B3GALT1: variants seen among roughly 807,000 people sequenced by gnomAD.
B3GALT1 encodes UDP-Gal:betaGlcNAc beta 1,3-galactosyltransferase, polypeptide 1.
Under a neutral mutation model 23.2 loss-of-function variants are expected in B3GALT1, and 10 were observed. The ratio of observed to expected loss-of-function variants is 0.43; its 90% CI spans 0.27 to 0.73. The LOEUF is 0.73. Ranked by LOEUF, B3GALT1 falls within the 30% of genes least tolerant of loss-of-function variation. The pLI is 0.21. For synonymous variants in B3GALT1, 156 were observed against 141.5 expected (o/e 1.10, Z -0.73); for missense variants, 299 against 405.4 (o/e 0.74, Z 2.25).
At chr2:167,686,825 C>T (rs981664517) in intron 3 of B3GALT1, among the ~76,000 whole-genome samples, 8 of 152,160 alleles carry the variant, frequency 5.3e-5, no homozygotes, top group Admixed American at 4.6e-4. Context: ...CTATTCTTCA[C>T]GTAGAGCCAC....
intron 3 of B3GALT1, among the ~76,000 whole-genome samples, chr2:167,779,042 A>G (rs17644183): frequency 0.5 from 75,412 of 152,162 alleles, 19,688 homozygotes; most frequent in African/African-American, 0.65. Context: ...TGACCACAGA[A>G]TTGGAAGGAG....
chr2:167,715,709 T>C, intron 3 of B3GALT1: 1 of 1,613,292 alleles, frequency 6.2e-7, no homozygotes, highest in Non-Finnish European at 8.5e-7. Flanking sequence ...TGCTGCCGCC[T>C]TCTCAAAGCT....
At chr2:167,837,878 CA>C (rs1279700396) in intron 4 of B3GALT1, among the ~76,000 whole-genome samples, 3 of 152,202 alleles carry the variant, frequency 2.0e-5, no homozygotes, top group Admixed American at 6.5e-5. Flanking sequence ...GAAACTCACT[CA>C]AAACCGCTCA....
At chr2:167,826,172 A>C (rs1442759424) in intron 4 of B3GALT1, among the ~76,000 whole-genome samples, 1 of 152,078 alleles carries the variant, frequency 6.6e-6, no homozygotes, top group Non-Finnish European at 1.5e-5. Context: ...GGGTGAGCCT[A>C]GGTCACACGG....
intron 2 of B3GALT1, among the ~76,000 whole-genome samples, chr2:167,624,640 T>A (rs1322649727): frequency 6.6e-6 from 1 of 152,026 alleles, no homozygotes; most frequent in East Asian, 1.9e-4. Context: ...TAAATTTATA[T>A]CCACTATATT....
At chr2:167,658,318 T>C (rs1385862902) in intron 3 of B3GALT1, among the ~76,000 whole-genome samples, 1 of 152,088 alleles carries the variant, frequency 6.6e-6, no homozygotes, top group Non-Finnish European at 1.5e-5. Context: ...TGTTAGATGC[T>C]GGTAGAAAAA....
At chr2:167,848,665 T>A (rs1439843039) in intron 4 of B3GALT1, among the ~76,000 whole-genome samples, 1 of 152,090 alleles carries the variant, frequency 6.6e-6, no homozygotes, top group African/African-American at 2.4e-5. Context: ...TTGAAAGCAT[T>A]CCCTCTGAGA....
chr2:167,306,185 A>G (rs1696549421), intron 1 of B3GALT1, among the ~76,000 whole-genome samples: 1 of 152,108 alleles, frequency 6.6e-6, no homozygotes, highest in Admixed American at 6.6e-5. Flanking sequence ...GAAATAACTC[A>G]AATGGCCAAC....
chr2:167,834,115 C>G (rs2105383569), intron 4 of B3GALT1, among the ~76,000 whole-genome samples: 1 of 152,252 alleles, frequency 6.6e-6, no homozygotes, highest in East Asian at 1.9e-4. Context: ...CAGTCTTTAA[C>G]AAAAGGCAGA....
At position 167,501,718 on chromosome 2, in the gene B3GALT1, C is replaced by CAAA. The variant is rs35445623; in HGVS notation, c.-410+11464_-410+11466dup. 1.0e-3 allele frequency among the ~76,000 whole-genome samples: 66 copies of CAAA among 65,398 alleles called. 1 individual carries two copies. The highest frequency in any genetic ancestry group is 3.0e-3 in the African/African-American group (53 of 17,716). The allele number at this position is 65,398 out of a possible 152,430, so 42.9% of individuals were successfully genotyped here. ...ATGTTAATTCACACATCTACAGTGG[C>CAAA]AAAAAAAAAAAAAAAAAAAAAAAAA... On this transcript the variant is annotated intron_variant, in intron 2 of 4. Coordinates refer to ENST00000392690, the MANE Select transcript of B3GALT1 (RefSeq NM_020981.4).
At chr2:167,616,632 T>C (rs1685166924) in intron 2 of B3GALT1, among the ~76,000 whole-genome samples, 1 of 151,862 alleles carries the variant, frequency 6.6e-6, no homozygotes, top group Admixed American at 6.6e-5. Flanking sequence ...GAGGCAGAGG[T>C]TACAGTGAGC....
chr2:167,825,052 G>A (rs752939945), intron 4 of B3GALT1, among the ~76,000 whole-genome samples: 3 of 151,978 alleles, frequency 2.0e-5, no homozygotes, highest in East Asian at 1.9e-4. Context: ...TTGGAAGGCC[G>A]AGGTGGGCAG....
intron 1 of B3GALT1, among the ~76,000 whole-genome samples, chr2:167,391,460 A>G (rs1574060660): frequency 6.6e-6 from 1 of 152,316 alleles, no homozygotes; most frequent in East Asian, 1.9e-4. Context: ...AGTGATGAAG[A>G]ACACTTATAT....
At chr2:167,446,351 G>T (rs965725555) in intron 1 of B3GALT1, among the ~76,000 whole-genome samples, 1 of 152,128 alleles carries the variant, frequency 6.6e-6, no homozygotes, top group South Asian at 2.1e-4. Flanking sequence ...CTTGGAGTTG[G>T]TCTTCTCGAG....
In B3GALT1 at chr2:167,694,030, A is replaced by G. The variant is rs536002476; in HGVS notation, c.-352+47064A>G. On this transcript the variant is annotated intron_variant, in intron 3 of 4. Coordinates refer to ENST00000392690, the MANE Select transcript of B3GALT1 (RefSeq NM_020981.4). ...TGGACCATCAAAGATGGTCTCACTCACATGTTTGGAAAAGCTATGGTGACT... is the reference window on the plus strand; with the variant it reads ...TGGACCATCAAAGATGGTCTCACTCGCATGTTTGGAAAAGCTATGGTGACT... Among the ~76,000 whole-genome samples, 5 of 152,152 alleles carry G rather than the reference A, an allele frequency of 3.3e-5. No homozygotes were observed. In the East Asian group the frequency reaches 9.7e-4, roughly 29 times the overall value.
At chr2:167,519,995 A>G (rs1349744871) in intron 2 of B3GALT1, among the ~76,000 whole-genome samples, 1 of 151,976 alleles carries the variant, frequency 6.6e-6, no homozygotes, top group Non-Finnish European at 1.5e-5. Flanking sequence ...CAGTGAGCCA[A>G]GATTGTGCCA....
intron 3 of B3GALT1, among the ~76,000 whole-genome samples, chr2:167,719,525 G>A (rs1266375918): frequency 2.0e-5 from 3 of 152,152 alleles, no homozygotes; most frequent in African/African-American, 7.2e-5. Context: ...TAGAATCCTA[G>A]TCCCAACTTT....
intron 1 of B3GALT1, among the ~76,000 whole-genome samples, chr2:167,448,782 A>G (rs1699042175): frequency 6.6e-6 from 1 of 152,126 alleles, no homozygotes; most frequent in Non-Finnish European, 1.5e-5. Context: ...TTCATGTAAG[A>G]TGAGATTAGG....
intron 3 of B3GALT1, among the ~76,000 whole-genome samples, chr2:167,668,577 G>C (rs962618610): frequency 6.6e-6 from 1 of 152,160 alleles, no homozygotes; most frequent in Non-Finnish European, 1.5e-5. Context: ...TTTGATCTCA[G>C]ACTGCTGTGC....
Sources: allele counts gnomAD v4.1 joint callset (sites outside exome capture counted in the v4.1 genomes callset), GRCh38; gene constraint gnomAD v4.1.1; transcripts MANE v1.5; gene names NCBI Gene and HGNC (gene_info 2026-07-23, HGNC 2026-07-21).